The following GCN1 variants were observed in gnomAD, a reference collection of about 807,000 sequenced individuals.
The protein encoded by GCN1 is stalled ribosome sensor GCN1.
In GCN1, 90 loss-of-function variants were observed where a neutral mutation model predicts 288.4. That is an observed-to-expected ratio of 0.31 (90% CI 0.26 to 0.37). The LOEUF (loss-of-function observed/expected upper bound fraction) is 0.37. Among genes scored for constraint, GCN1 ranks in the 10% least tolerant of loss-of-function variants. The pLI, the probability that GCN1 is intolerant of heterozygous loss-of-function variation, is 1.00. For synonymous variants in GCN1, 1,386 were observed against 1,420.2 expected, an observed-to-expected ratio of 0.98 and a Z score of 0.54; for missense variants, 2,586 against 3,419.9, an observed-to-expected ratio of 0.76 and a Z score of 6.08.
intron 16 of GCN1, 69 bp downstream of exon 16, chr12:120,168,139 T>C: frequency 1.1e-6 from 1 of 950,522 alleles, no homozygotes; most frequent in South Asian, 1.3e-5. Context: ...CAAGAAAGGG[T>C]CCTCTCTGAA....
At chr12:120,165,399 A>AC (rs1162921015) in intron 16 of GCN1, among the ~76,000 whole-genome samples, 23 of 152,118 alleles carry the variant, frequency 1.5e-4, no homozygotes, top group Non-Finnish European at 4.4e-5. Context: ...TGAACTCCTG[A>AC]CCACAGGTGA....
At chr12:120,177,836 C>T (rs1803961251) in intron 7 of GCN1, 84 bp from the exon 8 acceptor site, 1 of 984,228 alleles carries the variant, frequency 1.0e-6, no homozygotes, top group Non-Finnish European at 1.6e-6. Flanking sequence ...GTGAGAGTGC[C>T]TCCAAAAAAT....
intron 5 of GCN1, among the ~76,000 whole-genome samples, chr12:120,182,124 G>A (rs1219437241): frequency 6.7e-6 from 1 of 150,160 alleles, no homozygotes. Context: ...ATTCCAACCT[G>A]AGTGACAGAA....
chr12:120,194,230 G>A (rs1290113690), intron 1 of GCN1, among the ~76,000 whole-genome samples: 2 of 152,256 alleles, frequency 1.3e-5, no homozygotes, highest in Non-Finnish European at 2.9e-5. Context: ...TCGACGAGCA[G>A]GAACTCAAGC....
chr12:120,186,160 GA>G (rs1226617738), intron 2 of GCN1, among the ~76,000 whole-genome samples: 1 of 151,610 alleles, frequency 6.6e-6, no homozygotes, highest in African/African-American at 2.4e-5. Flanking sequence ...CCAACACGGT[GA>G]AACCCCGTCT....
intron 16 of GCN1, among the ~76,000 whole-genome samples, chr12:120,166,161 G>C (rs1878116101): frequency 6.6e-6 from 1 of 151,786 alleles, no homozygotes; most frequent in East Asian, 2.0e-4. Context: ...CCAGCACTCT[G>C]GGAGGCCAAA....
At position 120,158,503 on chromosome 12, in the gene GCN1, C is replaced by T. The variant is rs1276520832; in HGVS notation, c.2862G>A (p.Leu954=). The T allele has an allele frequency of 5.1e-6, 8 of 1,566,228 alleles. No individual in the cohort carries two copies. Among genetic ancestry groups the T allele is most frequent in the Middle Eastern group, 1.7e-4 (1 of 6,034 alleles). ...SVAVKRAVML[L]HTHTITSRVG... is the part of the protein sequence containing the mutation. ...CCCTGCTGGTGATGGTGTGGGTGTG[C>T]AGCAGCATCACCGCCCTCTTCACAG... is the stretch of plus-strand genomic sequence containing the variant. The change falls in exon 25 of 58, where the codon CTG becomes CTA. Residue 954 remains leucine (L), a synonymous_variant. Coordinates refer to ENST00000300648, the MANE Select transcript of GCN1 (RefSeq NM_006836.2). The surrounding 1 kb of genome is among the most constrained non-coding windows in gnomAD (Gnocchi z 4.3).
rs964174714 is a variant in GCN1 at position 120,168,313 on chromosome 12, A to C, written c.1520-13T>G. 6.7e-7 allele frequency: 1 copy of C among 1,494,530 alleles called. No individual in the cohort carries two copies. Among genetic ancestry groups the C allele is most frequent in the Non-Finnish European group, 9.3e-7 (1 of 1,070,994 alleles). 92.6% of individuals were successfully genotyped at this position (1,494,530 alleles called of 1,614,324 possible). The stretch of plus-strand genomic sequence containing the variant: ...CTCAGTTTGGCCTCTGCAAGAAACA[A>C]AAGGTTACCCCACGACGCAGCTCAC... On this transcript the variant is annotated splice_polypyrimidine_tract_variant and intron_variant, in intron 15 of 57. Coordinates refer to ENST00000300648, the MANE Select transcript of GCN1 (RefSeq NM_006836.2).
At chr12:120,145,174 C>T in intron 39 of GCN1, 88 bp downstream of exon 39, 7 of 1,558,096 alleles carry the variant, frequency 4.5e-6, no homozygotes, top group Non-Finnish European at 6.2e-6. Flanking sequence ...CCAACAGACA[C>T]AAAAGCAGCT....
chr12:120,160,795 G>A lies in GCN1; in HGVS notation c.2437-540C>T, dbSNP rs191959811. 2.1e-4 allele frequency among the ~76,000 whole-genome samples: 32 copies of A among 152,286 alleles called. No homozygotes were observed. In the East Asian group the frequency reaches 6.0e-3, roughly 29 times the overall value. ...AACAAGATAAAGTCCCTGCCCTCAC[G>A]GAGCTCACAATCTAGCAGGCGAAGA... On this transcript the variant is annotated intron_variant, in intron 22 of 57. Coordinates refer to ENST00000300648, the MANE Select transcript of GCN1 (RefSeq NM_006836.2).
At chr12:120,176,095 C>T (rs1413377288) in intron 10 of GCN1, 48 bp downstream of exon 10, 1 of 1,444,370 alleles carries the variant, frequency 6.9e-7, no homozygotes. Context: ...CAAGTACAAC[C>T]AAACCCAAGG....
At chr12:120,164,087 A>G (rs982312917) in intron 18 of GCN1, among the ~76,000 whole-genome samples, 4 of 152,212 alleles carry the variant, frequency 2.6e-5, no homozygotes. Flanking sequence ...GAGCAAAACA[A>G]AACAAAACAA....
intron 15 of GCN1, among the ~76,000 whole-genome samples, chr12:120,168,955 A>T (rs1265831294): frequency 6.6e-6 from 1 of 152,100 alleles, no homozygotes; most frequent in Non-Finnish European, 1.5e-5. Context: ...TCCTAACCAA[A>T]GGAGTTAAGT....
chr12:120,127,768 C>G lies in GCN1; in HGVS notation c.*81G>C. ...CTGGGAACGCCATCTTCCAAGCTCC[C>G]CATTGGAACAAATGTATTTTCAAAA... On this transcript the variant is annotated 3_prime_UTR_variant, in exon 58 of 58. Coordinates refer to ENST00000300648, the MANE Select transcript of GCN1 (RefSeq NM_006836.2). 6.9e-7 allele frequency: 1 copy of G among 1,457,568 alleles called. No individual in the cohort carries two copies. Among genetic ancestry groups the G allele is most frequent in the Non-Finnish European group, 9.5e-7 (1 of 1,052,480 alleles). The allele number at this position is 1,457,568 out of a possible 1,614,324, so 90.3% of individuals were successfully genotyped here. A position where few individuals can be genotyped will look rare whatever the true frequency, so the allele number is the denominator to read the frequency against.
chr12:120,168,349 A>C (rs1052999120), intron 15 of GCN1, 49 bp from the exon 16 acceptor site: 15 of 1,095,848 alleles, frequency 1.4e-5, no homozygotes, highest in Non-Finnish European at 2.0e-5. Context: ...CACATCCCCC[A>C]GAGCTGATCT....
Position 120,130,739 on chromosome 12 carries a change from C to T in GCN1, c.7578G>A (p.Val2526=). ...GAAAGCCCATGCCCCGGACCCCGCT[C>T]ACCGCAATGGGGATCTGTGGAGAAC... ...SATADRIPIA[V]SGVRGMGFLM... The change falls in exon 56 of 58, where the codon GTG becomes GTA. Residue 2526 remains valine, a synonymous_variant. Coordinates refer to ENST00000300648, the MANE Select transcript of GCN1 (RefSeq NM_006836.2). 6.2e-7 allele frequency: 1 copy of T among 1,611,678 alleles called. No individual in the cohort carries two copies. Among genetic ancestry groups the T allele is most frequent in the Non-Finnish European group, 8.5e-7 (1 of 1,177,940 alleles).
At chr12:120,188,827 C>A (rs1418100412) in intron 2 of GCN1, among the ~76,000 whole-genome samples, 12 of 143,642 alleles carry the variant, frequency 8.4e-5, no homozygotes, top group Non-Finnish European at 1.4e-4. Flanking sequence ...CCAGCCTGGG[C>A]AACACAGTGA....
intron 47 of GCN1, 97 bp downstream of exon 47, chr12:120,138,226 C>T (rs1594261195): frequency 6.3e-6 from 6 of 953,852 alleles, no homozygotes; most frequent in East Asian, 2.4e-5. Flanking sequence ...CCTCCCCCAG[C>T]CCTCCAACAT....
chr12:120,131,742 T>TAGC (rs749500110), intron 54 of GCN1, among the ~76,000 whole-genome samples, 184 bp downstream of exon 54: 1 of 152,116 alleles, frequency 6.6e-6, no homozygotes, highest in African/African-American at 2.4e-5. Flanking sequence ...GCCTCCTGAG[T>TAGC]AGCTGGGACT....
Sources: gnomAD v4.1 joint callset for allele counts (sites outside exome capture counted in the v4.1 genomes callset) on GRCh38, gnomAD v4.1.1 for gene constraint, Gnocchi (gnomAD v3.1) non-coding constraint, MANE v1.5 for transcripts, NCBI Gene and HGNC (gene_info 2026-07-23, HGNC 2026-07-21) for gene names.